ENAH: variants seen among roughly 807,000 people sequenced by gnomAD.
The protein encoded by ENAH is protein enabled homolog.
ENAH carries 23 observed loss-of-function variants against 78.7 expected under a neutral mutation model. The ratio of observed to expected loss-of-function variants is 0.29; its 90% CI spans 0.21 to 0.41. The LOEUF is 0.41. Ranked by LOEUF, ENAH falls within the 10% of genes least tolerant of loss-of-function variation. The probability of loss-of-function intolerance (pLI) is 1.00; values close to 1 mark genes in which losing one functional copy is unlikely to be tolerated. For missense variants in ENAH, 544 were observed against 691.0 expected (o/e 0.79, Z 2.39); for synonymous variants, 226 against 241.0 (o/e 0.94, Z 0.58).
intron 2 of ENAH, among the ~76,000 whole-genome samples, chr1:225,558,841 G>T (rs2096683827): frequency 6.6e-6 from 1 of 151,886 alleles, no homozygotes; most frequent in African/African-American, 2.4e-5. Flanking sequence ...CACCATGTTA[G>T]CCAGGAAGGT....
rs936432083 is a variant in ENAH, at chr1:225,652,502, T to C, written c.5+184A>G. The stretch of plus-strand genomic sequence containing the variant: ...AAGCGAGACCCCCAAACCACACGGG[T>C]TGGGGAGGTTTCCAAGAAAGAAAGA... On this transcript the variant is annotated intron_variant, in intron 1 of 13. Coordinates refer to ENST00000366843, the MANE Select transcript of ENAH (RefSeq NM_018212.6). The C allele has an allele frequency of 5.8e-6, 5 of 859,564 alleles. 1 individual carries two copies. The South Asian group carries it at 2.1e-4, about 36-fold the overall frequency. 53.2% of individuals were successfully genotyped at this position (859,564 alleles called of 1,614,324 possible).
chr1:225,504,620 T>C lies in ENAH; in HGVS notation c.1538+3331A>G, dbSNP rs113112639. ...GAGATTTTCCTCAAATAATCAATTA[T>C]CCACAACCATGGCTTTAATATTAGT... On this transcript the variant is annotated intron_variant, in intron 11 of 13. Coordinates refer to ENST00000366843, the MANE Select transcript of ENAH (RefSeq NM_018212.6). 2.4e-3 allele frequency among the ~76,000 whole-genome samples: 371 copies of C among 152,310 alleles called. 2 individuals carry two copies. Among genetic ancestry groups the C allele is most frequent in the African/African-American group, 8.4e-3 (350 of 41,572 alleles).
At position 225,496,312 on chromosome 1, in the gene ENAH, G is replaced by A. The variant is rs1462071358; in HGVS notation, c.*1463C>T. Reference sequence around the variant, plus strand: ...ACACACGCAGAGTGGCAGGCAGAGTGTCTAATTCCTTCTTCCCACCTTCCT... The same window carrying A: ...ACACACGCAGAGTGGCAGGCAGAGTATCTAATTCCTTCTTCCCACCTTCCT... On this transcript the variant is annotated 3_prime_UTR_variant, in exon 14 of 14. Transcript: ENST00000366843. The A allele has an allele frequency of 2.0e-5, 3 of 152,206 alleles. No homozygotes were observed. The highest frequency in any genetic ancestry group is 7.2e-5 in the African/African-American group (3 of 41,426). The allele number at this position is 152,206 out of a possible 1,614,324, so 9.4% of individuals were successfully genotyped here. A position where few individuals can be genotyped will look rare whatever the true frequency, so the allele number is the denominator to read the frequency against.
intron 1 of ENAH, among the ~76,000 whole-genome samples, chr1:225,571,324 G>T (rs981340469): frequency 2.0e-5 from 3 of 151,634 alleles, no homozygotes; most frequent in Admixed American, 1.3e-4. Context: ...AGTGAGCCGA[G>T]ATCATGCCAC....
At chr1:225,604,574 A>C (rs1247581520) in intron 1 of ENAH, among the ~76,000 whole-genome samples, 1 of 151,004 alleles carries the variant, frequency 6.6e-6, no homozygotes, top group Admixed American at 6.6e-5. Context: ...ACTTGAGGTC[A>C]GGAGTTCGAG....
chr1:225,586,902 T>G lies in ENAH; in HGVS notation c.6-19488A>C, dbSNP rs1373593722. 4.0e-5 allele frequency among the ~76,000 whole-genome samples: 5 copies of G among 124,936 alleles called. No homozygotes were observed. The Admixed American group carries it at 5.8e-4, about 15-fold the overall frequency. The allele number at this position is 124,936 out of a possible 152,430, so 82.0% of individuals were successfully genotyped here. The stretch of plus-strand genomic sequence containing the variant: ...AGCCAGGCGTGGTGGCACGTGCCTG[T>G]AGACCCAGCTACTCAGGAGGCTGAC... On this transcript the variant is annotated intron_variant, in intron 1 of 13. Coordinates refer to ENST00000366843, the MANE Select transcript of ENAH (RefSeq NM_018212.6).
intron 1 of ENAH, among the ~76,000 whole-genome samples, chr1:225,615,287 T>C (rs893272924): frequency 6.6e-6 from 1 of 152,248 alleles, no homozygotes; most frequent in African/African-American, 2.4e-5. Flanking sequence ...GCGAGTGATC[T>C]GCCTGCCTCG....
intron 1 of ENAH, among the ~76,000 whole-genome samples, chr1:225,629,051 G>A (rs973112984): frequency 5.3e-5 from 8 of 151,452 alleles, no homozygotes; most frequent in South Asian, 4.2e-4. Context: ...AGGCCGAGGC[G>A]GGCAGATAAC....
intron 1 of ENAH, among the ~76,000 whole-genome samples, chr1:225,569,913 T>C (rs2096752360): frequency 6.6e-6 from 1 of 152,056 alleles, no homozygotes; most frequent in Non-Finnish European, 1.5e-5. Context: ...CCCTAGAAGA[T>C]ATCAGGCACT....
At chr1:225,504,893 C>T (rs976943889) in intron 11 of ENAH, 1 of 809,698 alleles carries the variant, frequency 1.2e-6, no homozygotes, top group Admixed American at 2.6e-5. Context: ...AAAAAAATCT[C>T]CCTTGTGGTG....
At chr1:225,643,628 C>T (rs1473112947) in intron 1 of ENAH, among the ~76,000 whole-genome samples, 1 of 152,134 alleles carries the variant, frequency 6.6e-6, no homozygotes, top group African/African-American at 2.4e-5. Context: ...AGTTATGTAG[C>T]TATATAGTTA....
At position 225,652,826 on chromosome 1, in the gene ENAH, A is replaced by C. The variant is rs1663300593; in HGVS notation, c.-136T>G. The C allele has an allele frequency of 1.6e-6, 1 of 634,444 alleles. No homozygotes were observed. The highest frequency in any genetic ancestry group is 1.9e-5 in the African/African-American group (1 of 52,912). 39.3% of individuals were successfully genotyped at this position (634,444 alleles called of 1,614,324 possible). A position where few individuals can be genotyped will look rare whatever the true frequency, so the allele number is the denominator to read the frequency against. ...GTGTCCGGCTCCTCCTTCGGCGGCCAGGGGGCTACACCATCTCCTCGCACA... is the reference window on the plus strand; with the variant it reads ...GTGTCCGGCTCCTCCTTCGGCGGCCCGGGGGCTACACCATCTCCTCGCACA... On this transcript the variant is annotated 5_prime_UTR_variant, in exon 1 of 14. Transcript: ENST00000366843.
chr1:225,635,321 T>C (rs752586569), intron 1 of ENAH, among the ~76,000 whole-genome samples: 1 of 152,196 alleles, frequency 6.6e-6, no homozygotes, highest in Non-Finnish European at 1.5e-5. Flanking sequence ...CTGGGAATTA[T>C]AGGCACAAGC....
At chr1:225,551,688 G>A (rs2096641321) in intron 3 of ENAH, among the ~76,000 whole-genome samples, 3 of 152,142 alleles carry the variant, frequency 2.0e-5, no homozygotes, top group South Asian at 2.1e-4. Context: ...AGGATTAGCC[G>A]ATGACAACAG....
chr1:225,565,841 C>T (rs1263819595), intron 2 of ENAH, among the ~76,000 whole-genome samples: 4 of 151,832 alleles, frequency 2.6e-5, no homozygotes, highest in Non-Finnish European at 4.4e-5. Flanking sequence ...TAGAGGAAAA[C>T]GCAGGAAGAC....
intron 3 of ENAH, among the ~76,000 whole-genome samples, chr1:225,536,490 C>A (rs370163936): frequency 6.6e-6 from 1 of 151,918 alleles, no homozygotes; most frequent in East Asian, 1.9e-4. Flanking sequence ...GAAAGATTTT[C>A]TTTTTCCGTT....
chr1:225,579,185 T>C (rs2096802202), intron 1 of ENAH, among the ~76,000 whole-genome samples: 1 of 152,182 alleles, frequency 6.6e-6, no homozygotes, highest in Non-Finnish European at 1.5e-5. Context: ...TGCTTCCAGG[T>C]CTGGACTTGC....
intron 5 of ENAH, 151 bp from the exon 6 acceptor site, chr1:225,517,457 T>G (rs1575372040): frequency 4.5e-6 from 7 of 1,551,476 alleles, no homozygotes; most frequent in Non-Finnish European, 6.1e-6. Context: ...GGCCCTGAGG[T>G]AGGCGGTGGA....
intron 10 of ENAH, among the ~76,000 whole-genome samples, chr1:225,509,300 T>C (rs1260122525): frequency 6.6e-6 from 1 of 152,126 alleles, no homozygotes; most frequent in Non-Finnish European, 1.5e-5. Flanking sequence ...CATCGGACAC[T>C]GTCACTAAAG....
Sources: allele counts gnomAD v4.1 joint callset (sites outside exome capture counted in the v4.1 genomes callset), GRCh38; gene constraint gnomAD v4.1.1; transcripts MANE v1.5; gene names NCBI Gene and HGNC (gene_info 2026-07-23, HGNC 2026-07-21).